The following IFT43 variants were observed in gnomAD, a reference collection of about 807,000 sequenced individuals.
The protein encoded by IFT43 is intraflagellar transport 43.
In IFT43, 33 loss-of-function variants were observed where a neutral mutation model predicts 32.3. The ratio of observed to expected loss-of-function variants is 1.02; its 90% CI spans 0.77 to 1.37. The LOEUF is 1.37. Among genes scored for constraint, IFT43 ranks in the 40% most tolerant of loss-of-function variants. The pLI is 0.00. For missense variants in IFT43, 274 were observed against 265.9 expected (o/e 1.03, Z -0.21); for synonymous variants, 93 against 98.2 (o/e 0.95, Z 0.31).
chr14:76,044,986 C>T (rs2036777729), intron 3 of IFT43, among the ~76,000 whole-genome samples: 3 of 152,162 alleles, frequency 2.0e-5, no homozygotes, highest in Admixed American at 1.3e-4. Context: ...TATTAATTGA[C>T]TATGTTACTA....
Position 76,083,594 on chromosome 14 carries a change from C to G in IFT43, c.*17C>G. 6.2e-7 allele frequency: 1 copy of G among 1,613,218 alleles called. No individual in the cohort carries two copies. Among genetic ancestry groups the G allele is most frequent in the South Asian group, 1.1e-5 (1 of 91,056 alleles). On this transcript the variant is annotated 3_prime_UTR_variant, in exon 9 of 9. Transcript: ENST00000314067. ...CACACCTGAGCCCGTCACCCATGCTCTAGACATGAAGAAATGCAATGAGCT... is the reference window on the plus strand; with the variant it reads ...CACACCTGAGCCCGTCACCCATGCTGTAGACATGAAGAAATGCAATGAGCT...
intron 5 of IFT43, among the ~76,000 whole-genome samples, chr14:76,061,715 C>A (rs978285513): frequency 6.6e-6 from 1 of 152,030 alleles, no homozygotes; most frequent in African/African-American, 2.4e-5. Flanking sequence ...TTTCTTTCAT[C>A]CTTGATAGTA....
At chr14:76,075,361 C>A (rs1189636975) in intron 5 of IFT43, among the ~76,000 whole-genome samples, 1 of 152,140 alleles carries the variant, frequency 6.6e-6, no homozygotes, top group African/African-American at 2.4e-5. Flanking sequence ...GCCCCTTTTC[C>A]CCTGATTCGA....
At chr14:76,083,825 T>G, downstream of IFT43, 1 of 643,632 alleles carries the variant, frequency 1.6e-6, no homozygotes, top group Non-Finnish European at 2.9e-6. Context: ...TGATAGGAAC[T>G]CAGAACTCGC....
At chr14:76,069,626 T>C (rs1317861429) in intron 5 of IFT43, among the ~76,000 whole-genome samples, 2 of 152,226 alleles carry the variant, frequency 1.3e-5, no homozygotes, top group Non-Finnish European at 2.9e-5. Context: ...TCTCTAAATA[T>C]GCAATTAGAT....
intron 2 of IFT43, among the ~76,000 whole-genome samples, chr14:75,999,274 TA>T (rs2035833647): frequency 6.0e-4 from 10 of 16,608 alleles, no homozygotes; most frequent in African/African-American, 2.5e-3. Flanking sequence ...TATATATATG[TA>T]TATATATTTT....
At chr14:76,071,817 C>CAGGTTGTGGCCTGG (rs2037325985) in intron 5 of IFT43, among the ~76,000 whole-genome samples, 4 of 152,100 alleles carry the variant, frequency 2.6e-5, no homozygotes. Flanking sequence ...AAGAATTTAG[C>CAGGTTGTGGCCTGG]GAGTGGCTCT....
chr14:76,062,938 A>AAAAAAAAAAAGAAAAAAG (rs1485146040), intron 5 of IFT43, among the ~76,000 whole-genome samples: 9 of 120,868 alleles, frequency 7.4e-5, no homozygotes, highest in Non-Finnish European at 1.1e-4. Context: ...AAAAAAAAAA[A>AAAAAAAAAAAGAAAAAAG]AAAGAAAATA....
intron 3 of IFT43, among the ~76,000 whole-genome samples, chr14:76,035,444 C>T (rs1220333386): frequency 1.3e-5 from 2 of 152,104 alleles, no homozygotes; most frequent in Non-Finnish European, 2.9e-5. Flanking sequence ...TTCCCTCCTC[C>T]TTCTCTCTTT....
At chr14:76,008,460 A>G (rs1011560713) in intron 2 of IFT43, among the ~76,000 whole-genome samples, 1 of 152,176 alleles carries the variant, frequency 6.6e-6, no homozygotes, top group African/African-American at 2.4e-5. Context: ...CAGTGTCTAC[A>G]GTAGACCTGC....
intron 5 of IFT43, among the ~76,000 whole-genome samples, chr14:76,061,183 C>T (rs1162685404): frequency 6.6e-6 from 1 of 152,132 alleles, no homozygotes; most frequent in Non-Finnish European, 1.5e-5. Flanking sequence ...GCCTGGCCTA[C>T]ATTGTTTCTG....
intron 3 of IFT43, among the ~76,000 whole-genome samples, chr14:76,054,611 A>G (rs1048070712): frequency 6.6e-5 from 10 of 152,184 alleles, no homozygotes; most frequent in African/African-American, 2.4e-4. Context: ...TGTAGATGTG[A>G]ATATCTTTGA....
At chr14:76,068,245 G>T (rs1057061403) in intron 5 of IFT43, among the ~76,000 whole-genome samples, 1 of 152,220 alleles carries the variant, frequency 6.6e-6, no homozygotes, top group South Asian at 2.1e-4. Flanking sequence ...AGCTAGAGAA[G>T]AATGTGAAAG....
intron 3 of IFT43, among the ~76,000 whole-genome samples, chr14:76,046,249 A>G (rs1165066722): frequency 6.6e-6 from 1 of 152,138 alleles, no homozygotes; most frequent in Non-Finnish European, 1.5e-5. Flanking sequence ...CGGTAAATTA[A>G]TTGTGTTGTG....
chr14:76,082,153 C>G (rs1215901648), intron 5 of IFT43, 142 bp from the exon 6 acceptor site: 1 of 789,388 alleles, frequency 1.3e-6, no homozygotes, highest in South Asian at 1.4e-5. Context: ...TGATCCTACC[C>G]CTAGTTTGTA....
chr14:76,082,263 G>A, intron 5 of IFT43, 32 bp from the exon 6 acceptor site: 16 of 1,603,592 alleles, frequency 1.0e-5, no homozygotes, highest in Non-Finnish European at 1.4e-5. Flanking sequence ...TATGAGTTCT[G>A]CAGACAGTGT....
chr14:76,023,831 A>T (rs903513985), intron 3 of IFT43, among the ~76,000 whole-genome samples: 3 of 152,246 alleles, frequency 2.0e-5, no homozygotes, highest in Non-Finnish European at 4.4e-5. Context: ...ACTACATTAA[A>T]GCCTTAAGCA....
At chr14:76,055,178 T>A (rs962608724) in intron 3 of IFT43, among the ~76,000 whole-genome samples, 2 of 151,914 alleles carry the variant, frequency 1.3e-5, no homozygotes, top group African/African-American at 4.8e-5. Context: ...ACCCTGTTTC[T>A]ACGAAAAATA....
At chr14:76,025,693 T>C (rs2139966716) in intron 3 of IFT43, among the ~76,000 whole-genome samples, 1 of 152,140 alleles carries the variant, frequency 6.6e-6, no homozygotes, top group African/African-American at 2.4e-5. Context: ...AAACAAGCAA[T>C]GGGGGAAGGA....
Sources: gnomAD v4.1 joint callset for allele counts (sites outside exome capture counted in the v4.1 genomes callset) on GRCh38, gnomAD v4.1.1 for gene constraint, MANE v1.5 for transcripts, NCBI Gene and HGNC (gene_info 2026-07-23, HGNC 2026-07-21) for gene names.